Variants in B4GALNT4 observed in about 807,000 individuals in gnomAD.
B4GALNT4 encodes N-acetyl-beta-glucosaminyl-glycoprotein 4-beta-N-acetylgalactosaminyltransferase 1.
A neutral mutation model predicts 110.0 loss-of-function variants in B4GALNT4; 77 were observed. The observed-to-expected ratio is 0.70, with a 90% confidence interval of 0.58 to 0.85. B4GALNT4 has a LOEUF of 0.85. Ranked by LOEUF, B4GALNT4 falls within the 40% of genes least tolerant of loss-of-function variation. The pLI is 0.00. For synonymous variants in B4GALNT4, 785 were observed against 655.5 expected, an observed-to-expected ratio of 1.20 and a Z score of -3.02; for missense variants, 1,575 against 1,506.0, an observed-to-expected ratio of 1.05 and a Z score of -0.76.
At chr11:375,604 G>A (rs571776985) in intron 9 of B4GALNT4, 35 bp from the exon 10 acceptor site, 1 of 1,598,398 alleles carries the variant, frequency 6.3e-7, no homozygotes, top group Non-Finnish European at 8.5e-7. Flanking sequence ...TGGAGGAGGG[G>A]GTCTGAGCAC....
chr11:373,412 C>CG lies in B4GALNT4; in HGVS notation c.637-37_637-36insG, dbSNP rs777909784. The stretch of plus-strand genomic sequence containing the variant: ...GTGTCCCCAGGGAGAGAGTGAACCC[C>CG]CCCCCCCACCACCACCCCTGCTCTA... On this transcript the variant is annotated intron_variant, in intron 6 of 19. Coordinates refer to ENST00000329962, the MANE Select transcript of B4GALNT4 (RefSeq NM_178537.5). 3.2e-4 allele frequency: 339 copies of CG among 1,067,520 alleles called. 5 individuals are homozygous for CG. In the East Asian group the frequency reaches 8.1e-3, roughly 25 times the overall value. 66.1% of individuals were successfully genotyped at this position (1,067,520 alleles called of 1,614,324 possible).
chr11:380,727 G>C lies in B4GALNT4; in HGVS notation c.2870-98G>C, dbSNP rs536120452. On this transcript the variant is annotated intron_variant, in intron 18 of 19. Coordinates refer to ENST00000329962, the MANE Select transcript of B4GALNT4 (RefSeq NM_178537.5). ...GGAAGCCCCCGTGGTGATGGGACCCGGCACCTGACCCCTCCCGAGGTCTCC... is the reference window on the plus strand; with the variant it reads ...GGAAGCCCCCGTGGTGATGGGACCCCGCACCTGACCCCTCCCGAGGTCTCC... 10 of 1,591,464 alleles carry C rather than the reference G, an allele frequency of 6.3e-6. No homozygotes were observed. The African/African-American group carries it at 9.4e-5, about 15-fold the overall frequency.
intron 2 of B4GALNT4, 81 bp from the exon 3 acceptor site, chr11:372,581 C>T (rs893822299): frequency 3.3e-6 from 4 of 1,214,632 alleles, no homozygotes; most frequent in Admixed American, 3.9e-5. Context: ...TGGAAGGGGT[C>T]TTTGTGAAGG....
Position 379,502 on chromosome 11 carries a change from G to T in B4GALNT4, c.2289G>T (p.Leu763=), listed in dbSNP as rs1162647572. ...RGSRFLLELE[L]QERGGGRLRL... Reference sequence around the variant, plus strand: ...GTCGCTTCCTGCTGGAGCTGGAGCTGCAGGAGCGCGGGGGCGGCCGCCTGC... The same window carrying T: ...GTCGCTTCCTGCTGGAGCTGGAGCTTCAGGAGCGCGGGGGCGGCCGCCTGC... The change falls in exon 15 of 20, where the codon CTG becomes CTT. Residue 763 remains leucine (L), a synonymous_variant. Transcript: ENST00000329962. The T allele has an allele frequency of 5.1e-6, 8 of 1,575,746 alleles. No homozygotes were observed. The highest frequency in any genetic ancestry group is 1.8e-5 in the Admixed American group (1 of 54,546).
chr11:370,484 G>T (rs979154221), intron 1 of B4GALNT4, among the ~76,000 whole-genome samples: 2 of 152,156 alleles, frequency 1.3e-5, no homozygotes, highest in African/African-American at 4.8e-5. Flanking sequence ...AGTGTTGTGG[G>T]GGTCCATGCG....
At chr11:379,813 C>T (rs1846834383) in intron 15 of B4GALNT4, 53 bp from the exon 16 acceptor site, 1 of 1,534,844 alleles carries the variant, frequency 6.5e-7, no homozygotes. Context: ...GCTGGGAGGC[C>T]CCACCGTAGA....
rs747291707 is a variant in B4GALNT4 at position 380,298 on chromosome 11, A to G, written c.2722A>G (p.Ser908Gly). ...GACCTCCCGCACCCCCCAGGACGCCAGCAGCATCGTGTTCCTCTGCGACCT... is the reference window on the plus strand; with the variant it reads ...GACCTCCCGCACCCCCCAGGACGCCGGCAGCATCGTGTTCCTCTGCGACCT... ...QAGVDAVEDASSIVFLCDLHI... is the reference protein window; with the variant it reads ...QAGVDAVEDAGSIVFLCDLHI... Residue 908 changes from serine (S) to glycine (G), a missense_variant, in exon 18 of 20, where the codon AGC (serine) becomes GGC (glycine). Coordinates refer to ENST00000329962, the MANE Select transcript of B4GALNT4 (RefSeq NM_178537.5). 21 of 1,612,968 alleles carry G rather than the reference A, an allele frequency of 1.3e-5. No homozygotes were observed. Among genetic ancestry groups the G allele is most frequent in the Non-Finnish European group, 1.7e-5 (20 of 1,179,690 alleles).
Position 377,220 on chromosome 11 carries a change from C to A in B4GALNT4, c.2097C>A (p.Asp699Glu). The change falls in exon 14 of 20, where the codon GAC becomes GAA. Residue 699 changes from aspartate to glutamate, a missense_variant. Coordinates refer to ENST00000329962, the MANE Select transcript of B4GALNT4 (RefSeq NM_178537.5). ...GAVDFELLRS[D>E]WNDLRCNVSG... ...TGGACTTCGAGCTGCTGCGCTCGGA[C>A]TGGAACGACCTGCGATGCAACGTTT... 4 of 1,596,860 alleles carry A rather than the reference C, an allele frequency of 2.5e-6. No individual in the cohort carries two copies. The South Asian group carries it at 4.5e-5, about 18-fold the overall frequency.
In B4GALNT4 at chr11:377,291, C is replaced by A; in HGVS notation, c.2168C>A (p.Ala723Asp). 1 of 1,588,236 alleles carries A rather than the reference C, an allele frequency of 6.3e-7. No individual in the cohort carries two copies. Among genetic ancestry groups the A allele is most frequent in the East Asian group, 2.3e-5 (1 of 43,658 alleles). The part of the protein sequence containing the change: ...LPEAEAVDVT[A>D]QYMERLNARH... ...GAGGCGGAGGCCGTGGACGTGACCG[C>A]TCAGTACATGGAGCGGCTGAACGCG... Residue 723 changes from alanine (A) to aspartate (D), a missense_variant, in exon 14 of 20, where the codon GCT becomes GAT. Ala to Asp is a moderately radical substitution (Grantham distance 126). Transcript: ENST00000329962.
At position 369,973 on chromosome 11, in the gene B4GALNT4, GGGGGGCGC is replaced by G; in HGVS notation, c.151+25_151+32del. The G allele has an allele frequency of 1.6e-6, 1 of 615,130 alleles. No individual in the cohort carries two copies. The highest frequency in any genetic ancestry group is 2.0e-6 in the Non-Finnish European group (1 of 503,142). 38.1% of individuals were successfully genotyped at this position (615,130 alleles called of 1,614,324 possible). On this transcript the variant is annotated intron_variant, in intron 1 of 19. Transcript: ENST00000329962. ...GGGCGAGGTACGGCGCGGGGGGCGCGGGGGGCGCGGGGGGCGGGGGCGGCGCGGGGGGC... is the reference window on the plus strand; with the variant it reads ...GGGCGAGGTACGGCGCGGGGGGCGCGGGGGGGCGGGGGCGGCGCGGGGGGC...
At chr11:380,076 T>C (rs1406232904) in intron 16 of B4GALNT4, 54 bp from the exon 17 acceptor site, 1 of 1,594,452 alleles carries the variant, frequency 6.3e-7, no homozygotes, top group Non-Finnish European at 8.6e-7. Context: ...CCCCGGGAGA[T>C]GGGTTTTCCT....
chr11:372,009 C>G (rs1846625863), intron 1 of B4GALNT4, 100 bp from the exon 2 acceptor site: 1 of 907,992 alleles, frequency 1.1e-6, no homozygotes, highest in Non-Finnish European at 1.7e-6. Context: ...GCCTGCCCTG[C>G]TCTGGCCATG....
At chr11:378,488 G>A (rs1285313131) in intron 14 of B4GALNT4, among the ~76,000 whole-genome samples, 1 of 152,140 alleles carries the variant, frequency 6.6e-6, no homozygotes, top group African/African-American at 2.4e-5. Context: ...AGTGTAGAGA[G>A]ACCAAGAGCA....
chr11:373,322 G>A lies in B4GALNT4; in HGVS notation c.636+31G>A, dbSNP rs191332491. 5.2e-4 allele frequency: 825 copies of A among 1,594,288 alleles called. 2 individuals are homozygous for A. In the East Asian group the frequency reaches 0.012, roughly 22 times the overall value. Reference sequence around the variant, plus strand: ...CCCACCCCAGCCCTGGTGTCGTCCCGGGCCTCCTGCAGCTCAGTCACCTGT... The same window carrying A: ...CCCACCCCAGCCCTGGTGTCGTCCCAGGCCTCCTGCAGCTCAGTCACCTGT... On this transcript the variant is annotated intron_variant, in intron 6 of 19. Transcript: ENST00000329962.
intron 1 of B4GALNT4, among the ~76,000 whole-genome samples, chr11:371,468 T>C (rs2119635549): frequency 6.6e-6 from 1 of 152,296 alleles, no homozygotes; most frequent in African/African-American, 2.4e-5. Context: ...CCCTGGGATC[T>C]GAGCATCTGT....
At chr11:381,138 C>G (rs1295559990) in intron 19 of B4GALNT4, 187 bp downstream of exon 19, 1 of 985,026 alleles carries the variant, frequency 1.0e-6, no homozygotes, top group African/African-American at 1.7e-5. Flanking sequence ...AAACCCTGTC[C>G]CACCCCCAGG....
In B4GALNT4 at chr11:380,465, A is replaced by G. The variant is rs781341011; in HGVS notation, c.2869+20A>G. 6.4e-5 allele frequency: 99 copies of G among 1,556,422 alleles called. No individual in the cohort carries two copies. The highest frequency in any genetic ancestry group is 1.4e-5 in the African/African-American group (1 of 73,258). On this transcript the variant is annotated intron_variant, in intron 18 of 19. Transcript: ENST00000329962. ...CCCACGGTGAGGCCCCGAGCGTCCCACCCTGTGATACCAGGGTTCCCACCA... is the reference window on the plus strand; with the variant it reads ...CCCACGGTGAGGCCCCGAGCGTCCCGCCCTGTGATACCAGGGTTCCCACCA...
At chr11:379,365 G>A (rs1440248797) in intron 14 of B4GALNT4, 53 bp from the exon 15 acceptor site, 2 of 1,421,500 alleles carry the variant, frequency 1.4e-6, no homozygotes, top group African/African-American at 1.5e-5. Context: ...CCAGGGTTGC[G>A]GGCGGGGTGC....
At chr11:370,674 G>A (rs1343370972) in intron 1 of B4GALNT4, among the ~76,000 whole-genome samples, 1 of 152,158 alleles carries the variant, frequency 6.6e-6, no homozygotes, top group Non-Finnish European at 1.5e-5. Flanking sequence ...AAAGCCTGGC[G>A]GTGGGGTTGG....
Sources: allele counts gnomAD v4.1 joint callset (sites outside exome capture counted in the v4.1 genomes callset), GRCh38; gene constraint gnomAD v4.1.1; transcripts MANE v1.5; gene names NCBI Gene and HGNC (gene_info 2026-07-23, HGNC 2026-07-21).